EVA1C: variants seen among roughly 807,000 people sequenced by gnomAD.
EVA1C encodes protein eva-1 homolog C.
Under a neutral mutation model 45.4 loss-of-function variants are expected in EVA1C, and 25 were observed. The ratio of observed to expected loss-of-function variants is 0.55; its 90% CI spans 0.40 to 0.77. The LOEUF (loss-of-function observed/expected upper bound fraction) is 0.77, where lower values mean the gene tolerates loss of function less well. EVA1C is among the 30% of genes least tolerant of loss of function. EVA1C has a pLI of 0.00. For missense variants in EVA1C, 479 were observed against 554.8 expected, an observed-to-expected ratio of 0.86 and a Z score of 1.37; for synonymous variants, 190 against 221.2, an observed-to-expected ratio of 0.86 and a Z score of 1.25.
chr21:32,504,184 C>T (rs1205765341), intron 7 of EVA1C, among the ~76,000 whole-genome samples, 169 bp downstream of exon 7: 4 of 152,206 alleles, frequency 2.6e-5, no homozygotes, highest in Non-Finnish European at 5.9e-5. Context: ...TGAGTTCAGG[C>T]ACAGTTGTAA....
At chr21:32,443,162 G>A (rs1055435395) in intron 1 of EVA1C, among the ~76,000 whole-genome samples, 2 of 152,140 alleles carry the variant, frequency 1.3e-5, no homozygotes, top group Non-Finnish European at 2.9e-5. Flanking sequence ...AGAGCTGAGA[G>A]GGCTGGCCGC....
At chr21:32,424,877 CA>C (rs1398351299) in intron 1 of EVA1C, among the ~76,000 whole-genome samples, 3 of 152,128 alleles carry the variant, frequency 2.0e-5, no homozygotes, top group Non-Finnish European at 4.4e-5. Flanking sequence ...GATGATTTCT[CA>C]TAGAGTCTCA....
intron 1 of EVA1C, among the ~76,000 whole-genome samples, chr21:32,421,275 T>C (rs1351310814): frequency 6.6e-6 from 1 of 152,222 alleles, no homozygotes; most frequent in Non-Finnish European, 1.5e-5. Flanking sequence ...ATTTAACAGG[T>C]GCCTGAGCGC....
At chr21:32,476,643 AAATAATAAT>A (rs908815595) in intron 4 of EVA1C, among the ~76,000 whole-genome samples, 3 of 151,752 alleles carry the variant, frequency 2.0e-5, no homozygotes. Flanking sequence ...CTCCGTCTCA[AAATAATAAT>A]AATAATAATA....
At chr21:32,467,647 T>C in intron 3 of EVA1C, 49 bp from the exon 4 acceptor site, 1 of 1,560,398 alleles carries the variant, frequency 6.4e-7, no homozygotes, top group South Asian at 1.2e-5. Flanking sequence ...GCTCACCAAT[T>C]CCTTCTGGGG....
intron 3 of EVA1C, among the ~76,000 whole-genome samples, chr21:32,461,590 AGTT>A (rs1243818700): frequency 6.6e-6 from 1 of 152,168 alleles, no homozygotes; most frequent in Non-Finnish European, 1.5e-5. Context: ...GTGCAGAGCC[AGTT>A]CTTATGATGA....
At chr21:32,455,087 T>C (rs897699249) in intron 2 of EVA1C, among the ~76,000 whole-genome samples, 3 of 152,172 alleles carry the variant, frequency 2.0e-5, no homozygotes, top group Non-Finnish European at 4.4e-5. Context: ...GGACCTGAGA[T>C]TGATTTCTCA....
At chr21:32,439,518 A>C (rs1284627755) in intron 1 of EVA1C, among the ~76,000 whole-genome samples, 1 of 152,154 alleles carries the variant, frequency 6.6e-6, no homozygotes, top group East Asian at 1.9e-4. Context: ...ACAAAGGAAG[A>C]AATGCTGTGA....
intron 4 of EVA1C, among the ~76,000 whole-genome samples, chr21:32,494,510 C>T (rs1015816454): frequency 9.9e-5 from 15 of 152,118 alleles, no homozygotes; most frequent in Non-Finnish European, 1.8e-4. Context: ...TGACCGGGTG[C>T]GGTGGCTCAC....
intron 4 of EVA1C, among the ~76,000 whole-genome samples, chr21:32,470,757 T>C (rs1353939939): frequency 7.0e-6 from 1 of 142,326 alleles, no homozygotes; most frequent in Non-Finnish European, 1.5e-5. Flanking sequence ...TCTTTTTCTT[T>C]TTCTTTCTTT....
At chr21:32,475,370 T>C (rs999117999) in intron 4 of EVA1C, among the ~76,000 whole-genome samples, 4 of 146,676 alleles carry the variant, frequency 2.7e-5, no homozygotes, top group Admixed American at 1.4e-4. Flanking sequence ...TCATCATCAT[T>C]TTTATTGTTC....
intron 4 of EVA1C, among the ~76,000 whole-genome samples, chr21:32,488,039 T>TAG (rs1362145711): frequency 6.6e-6 from 1 of 152,080 alleles, no homozygotes; most frequent in East Asian, 1.9e-4. Flanking sequence ...TAACTCCAGG[T>TAG]AGTCAGTGTA....
At chr21:32,451,487 C>T (rs542297098) in intron 1 of EVA1C, among the ~76,000 whole-genome samples, 40 of 152,306 alleles carry the variant, frequency 2.6e-4, no homozygotes, top group African/African-American at 9.1e-4. Flanking sequence ...CTGAGTGTGG[C>T]TCCTGCAAGC....
Position 32,413,033 on chromosome 21 carries a change from CTG to C in EVA1C, c.160+25_160+26del. The C allele has an allele frequency of 1.4e-6, 2 of 1,380,138 alleles. No homozygotes were observed. The highest frequency in any genetic ancestry group is 1.5e-5 in the African/African-American group (1 of 66,706). 85.5% of individuals were successfully genotyped at this position (1,380,138 alleles called of 1,614,324 possible). A position where few individuals can be genotyped will look rare whatever the true frequency, so the allele number is the denominator to read the frequency against. On this transcript the variant is annotated intron_variant, in intron 1 of 7. Transcript: ENST00000300255. ...TCTCTGGTAAGAGCGCCCTCCCTGG[CTG>C]TGTGCCCCCGGCACCGCGGAGCGCC...
intron 4 of EVA1C, among the ~76,000 whole-genome samples, chr21:32,481,552 A>G (rs2146353038): frequency 6.6e-6 from 1 of 151,610 alleles, no homozygotes; most frequent in Non-Finnish European, 1.5e-5. Context: ...ATATGTCTTT[A>G]CTCCTAGATA....
chr21:32,500,653 G>A (rs1423959471), intron 5 of EVA1C, among the ~76,000 whole-genome samples: 2 of 143,308 alleles, frequency 1.4e-5, no homozygotes, highest in Non-Finnish European at 3.0e-5. Flanking sequence ...AGATAACCAC[G>A]CATCAACTTT....
At chr21:32,468,617 T>C (rs2036268008) in intron 4 of EVA1C, among the ~76,000 whole-genome samples, 1 of 151,964 alleles carries the variant, frequency 6.6e-6, no homozygotes, top group Non-Finnish European at 1.5e-5. Flanking sequence ...ACTGAAGAAC[T>C]TGGAGTCTGA....
chr21:32,472,451 C>A (rs1248198211), intron 4 of EVA1C, among the ~76,000 whole-genome samples: 1 of 152,116 alleles, frequency 6.6e-6, no homozygotes, highest in African/African-American at 2.4e-5. Flanking sequence ...TGAGCCACTG[C>A]GCCCGGCTGA....
intron 4 of EVA1C, among the ~76,000 whole-genome samples, chr21:32,492,847 C>G (rs941095470): frequency 1.3e-5 from 2 of 152,082 alleles, no homozygotes; most frequent in African/African-American, 4.8e-5. Context: ...GTCCCTCACC[C>G]ACCCTTTCAT....
Sources: allele counts gnomAD v4.1 joint callset (sites outside exome capture counted in the v4.1 genomes callset), GRCh38; gene constraint gnomAD v4.1.1; transcripts MANE v1.5; gene names NCBI Gene and HGNC (gene_info 2026-07-23, HGNC 2026-07-21).